MLLT3: variants seen among roughly 807,000 people sequenced by gnomAD.
MLLT3 encodes the protein MLLT3 super elongation complex subunit, also known as protein AF-9.
A neutral mutation model predicts 53.2 loss-of-function variants in MLLT3; 4 were observed. That is an observed-to-expected ratio of 0.08 (90% confidence interval 0.04 to 0.17). MLLT3 has a LOEUF of 0.17. Ranked by LOEUF, MLLT3 falls within the 10% of genes least tolerant of loss-of-function variation. The pLI is 1.00. For missense variants in MLLT3, 569 were observed against 684.0 expected (o/e 0.83, Z 1.87); for synonymous variants, 283 against 230.6 (o/e 1.23, Z -2.06).
intron 2 of MLLT3, among the ~76,000 whole-genome samples, chr9:20,553,572 T>C (rs1111766): frequency 0.61 from 93,053 of 152,086 alleles, 29,343 homozygotes; most frequent in Middle Eastern, 0.69. Context: ...GATTTGTCTA[T>C]ATAAGATCCT....
chr9:20,396,259 G>A (rs370231157), intron 5 of MLLT3, among the ~76,000 whole-genome samples: 3 of 151,898 alleles, frequency 2.0e-5, no homozygotes, highest in East Asian at 3.9e-4. Context: ...AACAATATGT[G>A]AAGTAAGGCA....
At chr9:20,480,461 A>G (rs764305403) in intron 2 of MLLT3, among the ~76,000 whole-genome samples, 6 of 152,232 alleles carry the variant, frequency 3.9e-5, no homozygotes, top group Non-Finnish European at 7.3e-5. Flanking sequence ...TTGGATGAGC[A>G]AAGACAAATT....
At chr9:20,508,406 G>A (rs117010905) in intron 2 of MLLT3, among the ~76,000 whole-genome samples, 47 of 152,318 alleles carry the variant, frequency 3.1e-4, no homozygotes, top group African/African-American at 1.1e-3. Flanking sequence ...GGTAGAAAGA[G>A]ATAGGAGAGG....
intron 4 of MLLT3, among the ~76,000 whole-genome samples, chr9:20,435,585 C>T (rs373543946): frequency 1.3e-5 from 2 of 152,014 alleles, no homozygotes; most frequent in Non-Finnish European, 2.9e-5. Flanking sequence ...CTAAAAAATG[C>T]CTCTTGGAAG....
chr9:20,582,221 C>CA (rs1819810404), intron 2 of MLLT3, among the ~76,000 whole-genome samples: 1 of 152,144 alleles, frequency 6.6e-6, no homozygotes, highest in Admixed American at 6.5e-5. Context: ...GATAAACCAA[C>CA]ATTGACACAC....
intron 2 of MLLT3, among the ~76,000 whole-genome samples, chr9:20,493,196 CTTG>C (rs1297820860): frequency 3.9e-5 from 6 of 151,934 alleles, no homozygotes; most frequent in East Asian, 1.9e-4. Context: ...TCTTCCTACT[CTTG>C]TTATTAGAAA....
chr9:20,462,554 C>T (rs2118872439), intron 2 of MLLT3, among the ~76,000 whole-genome samples: 1 of 152,238 alleles, frequency 6.6e-6, no homozygotes, highest in East Asian at 1.9e-4. Flanking sequence ...CTGTCCACCT[C>T]CTCTGGACTC....
chr9:20,540,173 G>A (rs759888486), intron 2 of MLLT3, among the ~76,000 whole-genome samples: 119 of 152,334 alleles, frequency 7.8e-4, no homozygotes, highest in Non-Finnish European at 1.4e-3. Flanking sequence ...AGGTAGAGCC[G>A]CCACAGCTGC....
In MLLT3 at chr9:20,448,169, T is replaced by G; in HGVS notation, c.374A>C (p.Asn125Thr). 6.2e-7 allele frequency: 1 copy of G among 1,613,788 alleles called. No individual in the cohort carries two copies. ...TCTCCTAAAGTCCTCTGTGGGGTTG[T>G]TGAAAGTTAGCTTTTCACAGCGGAG... ...NHLRCEKLTF[N>T]NPTEDFRRKL... is the part of the protein sequence containing the mutation. Residue 125 changes from asparagine (N) to threonine (T), a missense_variant, in exon 4 of 11, where the codon AAC becomes ACC. Asn to Thr is a moderately conservative substitution (Grantham distance 65, BLOSUM62 0). This residue lies in a region of MLLT3 where 39 missense variants were observed against 68.8 expected (regional missense o/e 0.57). Transcript: ENST00000380338. The surrounding 1 kb of genome is among the most constrained non-coding windows in gnomAD (Gnocchi z 4.0).
At chr9:20,384,807 T>C (rs1018433343) in intron 5 of MLLT3, among the ~76,000 whole-genome samples, 4 of 152,082 alleles carry the variant, frequency 2.6e-5, no homozygotes, top group Non-Finnish European at 5.9e-5. Context: ...CTGCAAAGTT[T>C]TACTTACAGA....
At chr9:20,589,296 A>T (rs1184333047) in intron 2 of MLLT3, among the ~76,000 whole-genome samples, 2 of 152,034 alleles carry the variant, frequency 1.3e-5, no homozygotes, top group African/African-American at 4.8e-5. Context: ...GACATGGAGG[A>T]AATTGGAAAC....
intron 4 of MLLT3, among the ~76,000 whole-genome samples, chr9:20,414,749 A>G (rs577815854): frequency 5.7e-4 from 86 of 152,136 alleles, no homozygotes; most frequent in Non-Finnish European, 1.2e-3. Flanking sequence ...TAACACATGG[A>G]CCCCACCCTT....
chr9:20,545,690 G>C (rs928104473), intron 2 of MLLT3, among the ~76,000 whole-genome samples: 6 of 151,654 alleles, frequency 4.0e-5, no homozygotes, highest in African/African-American at 1.5e-4. Flanking sequence ...AAATCAGCCC[G>C]AGCAGCAAAT....
intron 5 of MLLT3, among the ~76,000 whole-genome samples, chr9:20,391,368 C>A (rs1224525059): frequency 6.6e-6 from 1 of 152,106 alleles, no homozygotes; most frequent in Non-Finnish European, 1.5e-5. Flanking sequence ...ACAAGGTAAA[C>A]AAGATAAGGT....
intron 2 of MLLT3, among the ~76,000 whole-genome samples, chr9:20,537,423 G>T (rs1038991464): frequency 6.6e-6 from 1 of 152,156 alleles, no homozygotes; most frequent in African/African-American, 2.4e-5. Flanking sequence ...CTTATCTGAA[G>T]AATGTTTTTA....
intron 4 of MLLT3, chr9:20,415,370 C>T (rs1822844594): frequency 1.6e-6 from 1 of 624,648 alleles, no homozygotes; most frequent in African/African-American, 2.0e-5. Flanking sequence ...CTCATATAAA[C>T]ATATCAGAAT....
At chr9:20,525,717 T>C (rs971148092) in intron 2 of MLLT3, among the ~76,000 whole-genome samples, 2 of 152,146 alleles carry the variant, frequency 1.3e-5, no homozygotes, top group African/African-American at 4.8e-5. Flanking sequence ...ATTTAATAGG[T>C]TTAGGATACA....
At chr9:20,531,167 C>T (rs1174081020) in intron 2 of MLLT3, among the ~76,000 whole-genome samples, 1 of 130,848 alleles carries the variant, frequency 7.6e-6, no homozygotes, top group Non-Finnish European at 1.5e-5. Flanking sequence ...CATAGTCTTG[C>T]TCTTGTCACC....
chr9:20,399,401 T>C (rs1586919729), intron 5 of MLLT3, among the ~76,000 whole-genome samples: 2 of 152,050 alleles, frequency 1.3e-5, no homozygotes, highest in Admixed American at 1.3e-4. Context: ...CAAAGAGCTG[T>C]GAGATTAGAA....
Sources: gnomAD v4.1 joint callset for allele counts (sites outside exome capture counted in the v4.1 genomes callset) on GRCh38, gnomAD v4.1.1 for gene constraint, gnomAD v4.1.1 regional missense constraint, Gnocchi (gnomAD v3.1) non-coding constraint, MANE v1.5 for transcripts, NCBI Gene and HGNC (gene_info 2026-07-23, HGNC 2026-07-21) for gene names.